The following CENPE variants were observed in gnomAD, a reference collection of about 807,000 sequenced individuals.
CENPE encodes centromere protein E, also known as centromere-associated protein E.
CENPE carries 145 observed loss-of-function variants against 336.1 expected under a neutral mutation model. That is an observed-to-expected ratio of 0.43 (90% CI 0.38 to 0.50). CENPE has a LOEUF of 0.50. Among genes scored for constraint, CENPE ranks in the 20% least tolerant of loss-of-function variants. The pLI is 0.00. For synonymous variants in CENPE, 1,013 were observed against 984.8 expected (o/e 1.03, Z -0.54); for missense variants, 2,719 against 3,023.3 (o/e 0.90, Z 2.36).
chr4:103,141,729 A>G, intron 35 of CENPE, 21 bp downstream of exon 35: 1 of 1,482,904 alleles, frequency 6.7e-7, no homozygotes, highest in Non-Finnish European at 9.2e-7. Flanking sequence ...ATCCAATCAA[A>G]CAATCCCCCC....
At chr4:103,138,298 A>T in intron 39 of CENPE, 53 bp downstream of exon 39, 1 of 1,229,372 alleles carries the variant, frequency 8.1e-7, no homozygotes, top group Non-Finnish European at 1.2e-6. Context: ...GGTTTCGGTA[A>T]GCCTTTGGAA....
rs1262889241 is a variant in CENPE, at chr4:103,176,986, T to C, written c.1303A>G (p.Asn435Asp). 1 of 1,608,782 alleles carries C rather than the reference T, an allele frequency of 6.2e-7. No individual in the cohort carries two copies. The highest frequency in any genetic ancestry group is 8.5e-7 in the Non-Finnish European group (1 of 1,177,764). ...GGTATATTAAATTGATCTGCATAGT[T>C]TGAGTTCTTCATTTTGTTAATTTTG... ...LGKINKMKNSNYADQFNIPTN... is the reference protein window; with the variant it reads ...LGKINKMKNSDYADQFNIPTN... Residue 435 changes from asparagine to aspartate, a missense_variant, in exon 14 of 49, where the codon AAC becomes GAC. By Grantham distance (23) the Asn-to-Asp change is conservative. Transcript: ENST00000265148.
intron 10 of CENPE, 52 bp downstream of exon 10, chr4:103,183,149 C>T (rs1756467917): frequency 7.3e-7 from 1 of 1,363,644 alleles, no homozygotes; most frequent in Admixed American, 1.9e-5. Context: ...AATGTTCAAC[C>T]TAATGAAAAA....
intron 24 of CENPE, among the ~76,000 whole-genome samples, chr4:103,157,517 G>A (rs1754060544): frequency 1.3e-5 from 2 of 152,148 alleles, no homozygotes; most frequent in South Asian, 4.1e-4. Flanking sequence ...CTTATATGAG[G>A]TACTCAGAGT....
At chr4:103,156,952 A>G (rs1343644695) in intron 24 of CENPE, among the ~76,000 whole-genome samples, 2 of 152,000 alleles carry the variant, frequency 1.3e-5, no homozygotes, top group South Asian at 4.2e-4. Flanking sequence ...AGGAAGATAA[A>G]CAAATGGCCA....
intron 46 of CENPE, among the ~76,000 whole-genome samples, chr4:103,112,440 CATAT>C (rs1355501715): frequency 3.2e-4 from 47 of 144,788 alleles, no homozygotes; most frequent in African/African-American, 1.1e-3. Flanking sequence ...CTTATACATA[CATAT>C]ACTTATATAT....
intron 24 of CENPE, among the ~76,000 whole-genome samples, chr4:103,157,031 GC>G (rs1410823431): frequency 7.1e-6 from 1 of 139,932 alleles, no homozygotes; most frequent in African/African-American, 2.7e-5. Flanking sequence ...ATGAGATACT[GC>G]CTCACATCCA....
intron 42 of CENPE, among the ~76,000 whole-genome samples, chr4:103,130,752 A>G (rs1751513663): frequency 6.6e-6 from 1 of 152,164 alleles, no homozygotes; most frequent in Non-Finnish European, 1.5e-5. Flanking sequence ...TTCCAGATTT[A>G]CTATAAAAAT....
intron 24 of CENPE, among the ~76,000 whole-genome samples, chr4:103,157,867 T>C (rs1426575064): frequency 6.6e-6 from 1 of 151,950 alleles, no homozygotes; most frequent in Non-Finnish European, 1.5e-5. Flanking sequence ...TAAAATAATA[T>C]GAACTATAAT....
chr4:103,124,939 A>G (rs1291658151), intron 42 of CENPE, among the ~76,000 whole-genome samples: 2 of 152,238 alleles, frequency 1.3e-5, no homozygotes, highest in East Asian at 1.9e-4. Context: ...ATACATGCTG[A>G]TCCACATAGT....
chr4:103,110,342 T>A (rs149276855), intron 47 of CENPE, among the ~76,000 whole-genome samples: 1 of 152,320 alleles, frequency 6.6e-6, no homozygotes, highest in South Asian at 2.1e-4. Flanking sequence ...TCTTTTTTAA[T>A]AGCACTCATG....
At chr4:103,166,341 G>A (rs1754919220) in intron 16 of CENPE, among the ~76,000 whole-genome samples, 1 of 152,104 alleles carries the variant, frequency 6.6e-6, no homozygotes, top group Non-Finnish European at 1.5e-5. Context: ...TTAAATCCAG[G>A]CAATTTCACT....
At chr4:103,148,715 T>C (rs1348657985) in intron 28 of CENPE, 129 bp downstream of exon 28, 2 of 840,230 alleles carry the variant, frequency 2.4e-6, no homozygotes, top group East Asian at 5.0e-5. Context: ...CCTGCCACAT[T>C]AAACACTCGA....
intron 33 of CENPE, 57 bp from the exon 34 acceptor site, chr4:103,143,463 T>C (rs988916360): frequency 2.0e-5 from 23 of 1,142,978 alleles, no homozygotes; most frequent in Admixed American, 7.6e-5. Context: ...CCACATGCTA[T>C]AGAAAGGTAT....
intron 8 of CENPE, among the ~76,000 whole-genome samples, chr4:103,190,970 T>C (rs551522301): frequency 5.4e-5 from 8 of 148,944 alleles, no homozygotes; most frequent in Non-Finnish European, 1.0e-4. Flanking sequence ...AACAACCACA[T>C]CGACAAGTGG....
intron 15 of CENPE, among the ~76,000 whole-genome samples, chr4:103,175,327 A>G (rs1041121798): frequency 6.6e-6 from 1 of 151,994 alleles, no homozygotes; most frequent in Non-Finnish European, 1.5e-5. Flanking sequence ...TTATAAGAGA[A>G]GAGATAAACC....
chr4:103,156,886 A>G (rs1754004166), intron 24 of CENPE, among the ~76,000 whole-genome samples: 1 of 152,056 alleles, frequency 6.6e-6, no homozygotes, highest in Admixed American at 6.6e-5. Flanking sequence ...ACTCAATGAC[A>G]AAAATCAAAC....
intron 28 of CENPE, among the ~76,000 whole-genome samples, chr4:103,148,502 T>C (rs552128961): frequency 4.5e-4 from 69 of 152,264 alleles, no homozygotes; most frequent in Non-Finnish European, 8.5e-4. Context: ...TCTCAATGTC[T>C]GGCATGGAGT....
intron 41 of CENPE, among the ~76,000 whole-genome samples, chr4:103,133,311 G>C (rs1262705984): frequency 1.3e-5 from 2 of 152,116 alleles, no homozygotes; most frequent in Non-Finnish European, 2.9e-5. Context: ...CTCTTAAGTA[G>C]CTGGAATTAC....
Sources: allele counts gnomAD v4.1 joint callset (sites outside exome capture counted in the v4.1 genomes callset), GRCh38; gene constraint gnomAD v4.1.1; transcripts MANE v1.5; gene names NCBI Gene and HGNC (gene_info 2026-07-23, HGNC 2026-07-21).